Variants in LARS1 observed in about 807,000 individuals in gnomAD.
LARS1 encodes leucine--tRNA ligase, cytoplasmic.
Under a neutral mutation model 162.8 loss-of-function variants are expected in LARS1, and 100 were observed. The ratio of observed to expected loss-of-function variants is 0.61; its 90% CI spans 0.52 to 0.73. LARS1 has a LOEUF of 0.73. Among genes scored for constraint, LARS1 ranks in the 30% least tolerant of loss-of-function variants. LARS1 has a pLI of 0.00. For synonymous variants in LARS1, 457 were observed against 462.8 expected (o/e 0.99, Z 0.16); for missense variants, 1,258 against 1,408.9 (o/e 0.89, Z 1.71).
intron 23 of LARS1, chr5:146,131,859 C>T (rs1752300808): frequency 6.6e-6 from 1 of 152,132 alleles, no homozygotes; most frequent in Middle Eastern, 3.1e-3. Context: ...TTTCTCATAC[C>T]AATCCAGGTT....
intron 31 of LARS1, among the ~76,000 whole-genome samples, chr5:146,119,792 A>C (rs1271947422): frequency 6.6e-6 from 1 of 152,184 alleles, no homozygotes; most frequent in East Asian, 1.9e-4. Context: ...TTTGGAGTCA[A>C]ACAGACCTGT....
At chr5:146,137,924 C>A (rs890954131) in intron 21 of LARS1, 9 of 163,554 alleles carry the variant, frequency 5.5e-5, no homozygotes, top group African/African-American at 1.7e-4. Context: ...AGTTTGAGAC[C>A]ATCCTGGCCA....
chr5:146,136,576 G>C (rs1158376941), intron 21 of LARS1, among the ~76,000 whole-genome samples: 4 of 151,034 alleles, frequency 2.6e-5, no homozygotes, highest in African/African-American at 9.8e-5. Context: ...CGCCTCCCTC[G>C]GTTCAAGGGA....
At chr5:146,175,664 A>G (rs1031480263) in intron 2 of LARS1, among the ~76,000 whole-genome samples, 9 of 151,880 alleles carry the variant, frequency 5.9e-5, no homozygotes, top group African/African-American at 1.9e-4. Context: ...CATCTCTACT[A>G]AAAATACAAA....
At chr5:146,178,097 G>GA (rs138083803) in intron 1 of LARS1, among the ~76,000 whole-genome samples, 9,675 of 149,228 alleles carry the variant, frequency 0.065, 360 homozygotes, top group African/African-American at 0.071. Flanking sequence ...GACTCCGCCA[G>GA]AAAAAAAAAA....
At chr5:146,131,489 T>TG (rs1381421852) in intron 23 of LARS1, 3 of 131,674 alleles carry the variant, frequency 2.3e-5, no homozygotes, top group Non-Finnish European at 3.2e-5. Flanking sequence ...TAGCCAAGTT[T>TG]TTTTTTTTTT....
intron 21 of LARS1, among the ~76,000 whole-genome samples, chr5:146,137,388 A>G (rs766241702): frequency 6.6e-6 from 1 of 152,082 alleles, no homozygotes; most frequent in African/African-American, 2.4e-5. Context: ...TAATTTGCAC[A>G]GAAGTATCAT....
Position 146,120,497 on chromosome 5 carries a change from C to T in LARS1, c.3199G>A (p.Val1067Met). The T allele has an allele frequency of 6.2e-7, 1 of 1,610,316 alleles. No homozygotes were observed. Among genetic ancestry groups the T allele is most frequent in the Non-Finnish European group, 8.5e-7 (1 of 1,178,610 alleles). ...PLNVFRIEPG[V>M]SVSLVNPQPS... The stretch of plus-strand genomic sequence containing the variant: ...TGGGGATTCACCAGAGAAACGGACA[C>T]ACCAGGCTAGGAAAACAACAAGAAA... The change falls in exon 31 of 32, where the codon GTG becomes ATG. Residue 1067 changes from valine to methionine, a missense_variant. By Grantham distance (21) the Val-to-Met change is conservative. Coordinates refer to ENST00000394434, the MANE Select transcript of LARS1 (RefSeq NM_020117.11).
At chr5:146,133,692 CA>C (rs55993097) in intron 22 of LARS1, among the ~76,000 whole-genome samples, 32 of 112,296 alleles carry the variant, frequency 2.8e-4, no homozygotes, top group African/African-American at 7.0e-4. Flanking sequence ...TATAGGGTTG[CA>C]AAAAAAAAAA....
chr5:146,182,311 A>T (rs1754906716), intron 1 of LARS1, 177 bp downstream of exon 1: 7 of 739,762 alleles, frequency 9.5e-6, no homozygotes, highest in Admixed American at 2.3e-5. Flanking sequence ...AAGTTAACAG[A>T]CATCAGTTCG....
At chr5:146,135,015 T>A (rs1399313833) in intron 22 of LARS1, among the ~76,000 whole-genome samples, 5 of 151,218 alleles carry the variant, frequency 3.3e-5, no homozygotes, top group Non-Finnish European at 7.4e-5. Flanking sequence ...ATACTCAACA[T>A]TTTTTTTTGA....
At chr5:146,179,742 G>A (rs993845968) in intron 1 of LARS1, 1 of 399,188 alleles carries the variant, frequency 2.5e-6, no homozygotes, top group African/African-American at 2.1e-5. Context: ...TGGGACTACA[G>A]GCATATGCAC....
At chr5:146,116,703 G>A (rs17426845) in intron 31 of LARS1, among the ~76,000 whole-genome samples, 34,221 of 152,184 alleles carry the variant, frequency 0.22, 4,862 homozygotes, top group Admixed American at 0.34. Context: ...CTTCCAAGTT[G>A]TTAGTTCACA....
At chr5:146,157,251 A>G in intron 10 of LARS1, 152 bp downstream of exon 10, 1 of 681,846 alleles carries the variant, frequency 1.5e-6, no homozygotes. Flanking sequence ...GTGTATATAC[A>G]TATGAAAATG....
intron 20 of LARS1, among the ~76,000 whole-genome samples, chr5:146,141,829 G>C (rs1175535115): frequency 6.6e-6 from 1 of 151,712 alleles, no homozygotes; most frequent in Non-Finnish European, 1.5e-5. Context: ...AGTAATAACA[G>C]TGGATGACAA....
At position 146,129,091 on chromosome 5, in the gene LARS1, G is replaced by A; in HGVS notation, c.2656C>T (p.Pro886Ser). The A allele has an allele frequency of 6.3e-7, 1 of 1,593,784 alleles. No homozygotes were observed. The highest frequency in any genetic ancestry group is 8.5e-7 in the Non-Finnish European group (1 of 1,172,814). Residue 886 changes from proline (P) to serine (S), a missense_variant, in exon 26 of 32, where the codon CCT becomes TCT. Coordinates refer to ENST00000394434, the MANE Select transcript of LARS1 (RefSeq NM_020117.11). Reference protein sequence around the residue: ...KPDSIMNASWPVAGPVNEVLI... With the variant: ...KPDSIMNASWSVAGPVNEVLI... ...ACTTCATTAACAGGACCTGCCACAG[G>A]CCATGAAGCATTCATAATTGAGTCA... is the stretch of plus-strand genomic sequence containing the variant.
intron 2 of LARS1, among the ~76,000 whole-genome samples, chr5:146,176,117 A>C (rs1405516988): frequency 6.6e-6 from 1 of 152,072 alleles, no homozygotes; most frequent in Admixed American, 6.6e-5. Flanking sequence ...GTGCCACTGC[A>C]CTCCAGCTTG....
rs1279842980 is a variant in LARS1 at position 146,182,368 on chromosome 5, G to A, written c.6+120C>T. 4.6e-6 allele frequency: 6 copies of A among 1,305,850 alleles called. No individual in the cohort carries two copies. The East Asian group carries it at 1.2e-4, about 25-fold the overall frequency. 80.9% of individuals were successfully genotyped at this position (1,305,850 alleles called of 1,614,324 possible). Reference sequence around the variant, plus strand: ...AAAGCAAAGTCTCTACGAAAGGCACGCCTTAAGCGTGGCTCTCTTTTAGAA... The same window carrying A: ...AAAGCAAAGTCTCTACGAAAGGCACACCTTAAGCGTGGCTCTCTTTTAGAA... On this transcript the variant is annotated intron_variant, in intron 1 of 31. Transcript: ENST00000394434.
At position 146,121,954 on chromosome 5, in the gene LARS1, A is replaced by C. The variant is rs1160005026; in HGVS notation, c.3192+538T>G. On this transcript the variant is annotated intron_variant, in intron 30 of 31. Coordinates refer to ENST00000394434, the MANE Select transcript of LARS1 (RefSeq NM_020117.11). ...ACAAACCTGCATGTTCTGCACATGT[A>C]TCCCAGAACTTAAATTAAAAAACAA... is the stretch of plus-strand genomic sequence containing the variant. 1.3e-5 allele frequency among the ~76,000 whole-genome samples: 2 copies of C among 152,208 alleles called. 1 individual carries two copies. Among genetic ancestry groups the C allele is most frequent in the Admixed American group, 1.3e-4 (2 of 15,274 alleles).
Sources: gnomAD v4.1 joint callset for allele counts (sites outside exome capture counted in the v4.1 genomes callset) on GRCh38, gnomAD v4.1.1 for gene constraint, MANE v1.5 for transcripts, NCBI Gene and HGNC (gene_info 2026-07-23, HGNC 2026-07-21) for gene names.